Variants in CPT1B observed in about 807,000 individuals in gnomAD.
CPT1B encodes carnitine O-palmitoyltransferase 1, muscle isoform.
A neutral mutation model predicts 92.7 loss-of-function variants in CPT1B; 57 were observed. That is an observed-to-expected ratio of 0.62 (90% CI 0.50 to 0.77). The LOEUF (loss-of-function observed/expected upper bound fraction) is 0.77, where lower values mean the gene tolerates loss of function less well. CPT1B is among the 30% of genes least tolerant of loss of function. The pLI is 0.00. For missense variants in CPT1B, 983 were observed against 1,017.4 expected, an observed-to-expected ratio of 0.97 and a Z score of 0.46; for synonymous variants, 398 against 383.5, an observed-to-expected ratio of 1.04 and a Z score of -0.44.
intron 3 of CPT1B, 35 bp from the exon 4 acceptor site, chr22:50,577,069 CTT>C (rs748995151): frequency 8.3e-5 from 133 of 1,608,232 alleles, no homozygotes; most frequent in Non-Finnish European, 1.1e-4. Context: ...AGGGGGTCCT[CTT>C]GAGGCCAGCC....
chr22:50,572,705 G>C (rs1569042484), intron 11 of CPT1B, among the ~76,000 whole-genome samples, 170 bp downstream of exon 11: 1 of 152,196 alleles, frequency 6.6e-6, no homozygotes, highest in Non-Finnish European at 1.5e-5. Context: ...GGCTGGTCTT[G>C]AGCTCCTGCA....
chr22:50,574,638 T>C, intron 7 of CPT1B, 38 bp from the exon 8 acceptor site: 1 of 1,564,750 alleles, frequency 6.4e-7, no homozygotes, highest in Non-Finnish European at 8.8e-7. Context: ...GGGGCCTCTG[T>C]CTGGGTGTCA....
rs1200939678 is a variant in CPT1B at position 50,574,366 on chromosome 22, G to A, written c.939C>T (p.Phe313=). The A allele has an allele frequency of 4.3e-6, 7 of 1,613,814 alleles. No homozygotes were observed. In the African/African-American group the frequency reaches 5.3e-5, roughly 12 times the overall value. The change falls in exon 9 of 20, where the codon TTC becomes TTT. Residue 313 remains phenylalanine (F), a synonymous_variant. Transcript: ENST00000312108. The part of the protein sequence containing the change: ...PMCSYQMERM[F]NTTRIPGKDT... ...CCTTGCCCGGGATCCGAGTGGTGTTGAACATCCTCTCCATCTGGTAGGAGC... is the reference window on the plus strand; with the variant it reads ...CCTTGCCCGGGATCCGAGTGGTGTTAAACATCCTCTCCATCTGGTAGGAGC...
At chr22:50,571,341 C>T (rs767875760) in intron 14 of CPT1B, 34 bp downstream of exon 14, 1 of 1,613,716 alleles carries the variant, frequency 6.2e-7, no homozygotes, top group Admixed American at 1.7e-5. Flanking sequence ...TGGTACCACC[C>T]TGCCCTCTCA....
At chr22:50,571,974 T>A in intron 13 of CPT1B, 32 bp downstream of exon 13, 2 of 1,593,470 alleles carry the variant, frequency 1.3e-6, no homozygotes, top group Non-Finnish European at 1.7e-6. Flanking sequence ...TGCTTTGTGG[T>A]CTCACACCTG....
intron 13 of CPT1B, 25 bp from the exon 14 acceptor site, chr22:50,571,564 C>A: frequency 6.2e-6 from 10 of 1,606,412 alleles, no homozygotes; most frequent in Non-Finnish European, 8.5e-6. Context: ...GAAGGGTCAG[C>A]TGAGGGTAGG....
rs1376002304 is a variant in CPT1B at position 50,572,415 on chromosome 22, T to C, written c.1353-107A>G. The C allele has an allele frequency of 1.0e-5, 7 of 680,718 alleles. No individual in the cohort carries two copies. In the East Asian group the frequency reaches 1.9e-4, roughly 18 times the overall value. The allele number at this position is 680,718 out of a possible 1,614,324, so 42.2% of individuals were successfully genotyped here. ...AATTACTAACCCTATTCTCTCTCTC[T>C]TTTTCTCTCACTTTTTTTTTAAATT... is the stretch of plus-strand genomic sequence containing the variant. On this transcript the variant is annotated intron_variant, in intron 11 of 19. Coordinates refer to ENST00000312108, the MANE Select transcript of CPT1B (RefSeq NM_152246.3).
chr22:50,577,315 A>G lies in CPT1B; in HGVS notation c.281+9T>C. 1 of 1,612,792 alleles carries G rather than the reference A, an allele frequency of 6.2e-7. No homozygotes were observed. Among genetic ancestry groups the G allele is most frequent in the African/African-American group, 1.3e-5 (1 of 74,836 alleles). On this transcript the variant is annotated intron_variant, in intron 3 of 19. Transcript: ENST00000312108. The stretch of plus-strand genomic sequence containing the variant: ...GTGGCACCTGTGCCCTTCCAGTTTC[A>G]CTCCTTACCCCTGAGGGAGGCATCT...
rs148070553 is a variant in CPT1B at position 50,576,052 on chromosome 22, T to C, written c.760A>G (p.Ser254Gly). Residue 254 changes from serine to glycine, a missense_variant, in exon 7 of 20, where the codon AGC becomes GGC. By Grantham distance (56) the Ser-to-Gly change is moderately conservative. Transcript: ENST00000312108. ...LRGRSPLMVN[S>G]NYYVMDLVLI... is the part of the protein sequence containing the mutation. ...GTTCATACCATGACATAATAGTTGC[T>C]GTTCACCATGAGAGGGCTCCTGCCT... is the stretch of plus-strand genomic sequence containing the variant. 327 of 1,613,982 alleles carry C rather than the reference T, an allele frequency of 2.0e-4. No individual in the cohort carries two copies. The highest frequency in any genetic ancestry group is 2.7e-4 in the Non-Finnish European group (313 of 1,180,012).
intron 7 of CPT1B, 23 bp downstream of exon 7, chr22:50,576,012 G>A (rs937219007): frequency 1.2e-6 from 2 of 1,610,542 alleles, no homozygotes; most frequent in African/African-American, 2.7e-5. Flanking sequence ...CACGTGCGGG[G>A]ACCTGGGGGC....
intron 16 of CPT1B, 27 bp from the exon 17 acceptor site, chr22:50,570,433 A>T: frequency 6.6e-7 from 1 of 1,526,534 alleles, no homozygotes; most frequent in Non-Finnish European, 8.9e-7. Context: ...AGCTGGTCAG[A>T]GGCCACATAC....
At position 50,573,524 on chromosome 22, in the gene CPT1B, C is replaced by T. The variant is rs758334496; in HGVS notation, c.1162G>A (p.Gly388Arg). 1.9e-6 allele frequency: 3 copies of T among 1,609,298 alleles called. No homozygotes were observed. Among genetic ancestry groups the T allele is most frequent in the Non-Finnish European group, 2.5e-6 (3 of 1,177,540 alleles). ...TCCCTTCCTAGAGGCCAATACCTTC[C>T]TCCTGCAGTGAGGGCTGCCAGCTTC... ...EEKLAALTAGGRVEWAQARQA... is the reference protein window; with the variant it reads ...EEKLAALTAGRRVEWAQARQA... Residue 388 changes from glycine to arginine, a missense_variant, in exon 10 of 20, where the codon GGA becomes AGA. Gly to Arg is a moderately radical substitution (Grantham distance 125). Transcript: ENST00000312108. The surrounding 1 kb of genome is among the most constrained non-coding windows in gnomAD (Gnocchi z 5.0).
In CPT1B at chr22:50,577,737, G is replaced by A. The variant is rs772270867; in HGVS notation, c.141+38C>T. ...CAAAGCGCTTAACAGCTGACAGCCG[G>A]CCTCTGCCTACGCTCTGGGAGAAGC... On this transcript the variant is annotated intron_variant, in intron 2 of 19. Coordinates refer to ENST00000312108, the MANE Select transcript of CPT1B (RefSeq NM_152246.3). The A allele has an allele frequency of 3.1e-5, 49 of 1,603,090 alleles. No individual in the cohort carries two copies. In the South Asian group the frequency reaches 4.8e-4, roughly 16 times the overall value.
Position 50,574,325 on chromosome 22 carries a change from GCTCAGTTACCTGTGTC to G in CPT1B, c.964_970+9del. On this transcript the variant is annotated splice_donor_variant and splice_donor_5th_base_variant and coding_sequence_variant and intron_variant, in exon 9 of 20. Coordinates refer to ENST00000312108, the MANE Select transcript of CPT1B (RefSeq NM_152246.3). LOFTEE classifies it high-confidence loss of function. ...ATGGCCCACAGGTAGCAGCGAGGGG[GCTCAGTTACCTGTGTC>G]CTTGCCCGGGATCCGAGTGGTGTTG... The G allele has an allele frequency of 6.2e-7, 1 of 1,606,940 alleles. No homozygotes were observed. The highest frequency in any genetic ancestry group is 1.1e-5 in the South Asian group (1 of 90,166).
At position 50,573,216 on chromosome 22, in the gene CPT1B, G is replaced by C. The variant is rs1359975120; in HGVS notation, c.1167-156C>G. 3 of 672,932 alleles carry C rather than the reference G, an allele frequency of 4.5e-6. No homozygotes were observed. Among genetic ancestry groups the C allele is most frequent in the Non-Finnish European group, 7.4e-6 (3 of 405,928 alleles). 41.7% of individuals were successfully genotyped at this position (672,932 alleles called of 1,614,324 possible). ...CCTGGAGATGTGGGGGTGCCAGGCT[G>C]GGCCTGGAGGTGTTGGGGTGCGTGC... On this transcript the variant is annotated intron_variant, in intron 10 of 19. Coordinates refer to ENST00000312108, the MANE Select transcript of CPT1B (RefSeq NM_152246.3). The surrounding 1 kb of genome is among the most constrained non-coding windows in gnomAD (Gnocchi z 5.0).
chr22:50,569,563 G>A lies in CPT1B; in HGVS notation c.2235+13C>T. ...ACCCCTTCCTCAGGCCTGAGCTGTG[G>A]CAGGAGACTCACCGTCTCTGAGCTT... On this transcript the variant is annotated intron_variant, in intron 18 of 19. Transcript: ENST00000312108. 3 of 1,612,726 alleles carry A rather than the reference G, an allele frequency of 1.9e-6. No individual in the cohort carries two copies. Among genetic ancestry groups the A allele is most frequent in the South Asian group, 1.1e-5 (1 of 91,060 alleles).
At position 50,571,517 on chromosome 22, in the gene CPT1B, G is replaced by GA. The variant is rs1156359665; in HGVS notation, c.1597dup (p.Ser533PhefsTer35). On this transcript the variant is annotated frameshift_variant, in exon 14 of 20. Transcript: ENST00000312108. LOFTEE classifies it high-confidence loss of function. Reference sequence around the variant, plus strand: ...TGCCAACGCCTTGGCCACCTGGTAGGAACTCTCGATGACCGCCTGGCACTG... The same window carrying GA: ...TGCCAACGCCTTGGCCACCTGGTAGGAAACTCTCGATGACCGCCTGGCACTG... The GA allele has an allele frequency of 4.3e-6, 7 of 1,613,016 alleles. No homozygotes were observed. The highest frequency in any genetic ancestry group is 5.9e-6 in the Non-Finnish European group (7 of 1,180,024).
rs747363545 is a variant in CPT1B, at chr22:50,573,734, G to T, written c.971-19C>A. On this transcript the variant is annotated intron_variant, in intron 9 of 19. Coordinates refer to ENST00000312108, the MANE Select transcript of CPT1B (RefSeq NM_152246.3). This position sits in a 1 kb window ranked among gnomAD's most constrained non-coding sequence, Gnocchi z 5.0. Reference sequence around the variant, plus strand: ...AGCACATCTGTGATACAGGCCACGGGCAAGCTGAGGCGGGGCCCCCAGCTA... The same window carrying T: ...AGCACATCTGTGATACAGGCCACGGTCAAGCTGAGGCGGGGCCCCCAGCTA... The T allele has an allele frequency of 1.9e-6, 3 of 1,604,604 alleles. No homozygotes were observed. In the South Asian group the frequency reaches 3.3e-5, roughly 18 times the overall value.
rs1199518964 is a variant in CPT1B at position 50,573,975 on chromosome 22, G to A, written c.971-260C>T. 9 of 701,398 alleles carry A rather than the reference G, an allele frequency of 1.3e-5. No homozygotes were observed. The highest frequency in any genetic ancestry group is 3.5e-5 in the African/African-American group (2 of 57,014). The allele number at this position is 701,398 out of a possible 1,614,324, so 43.4% of individuals were successfully genotyped here. ...GACGCACTAGAGGGTTGTGCAAACC[G>A]CCTAAGGATACAGTGTCAGAAGCAG... On this transcript the variant is annotated intron_variant, in intron 9 of 19. Coordinates refer to ENST00000312108, the MANE Select transcript of CPT1B (RefSeq NM_152246.3). This position sits in a 1 kb window ranked among gnomAD's most constrained non-coding sequence, Gnocchi z 5.0.
Sources: allele counts gnomAD v4.1 joint callset (sites outside exome capture counted in the v4.1 genomes callset), GRCh38; gene constraint gnomAD v4.1.1; non-coding constraint Gnocchi (gnomAD v3.1); transcripts MANE v1.5; gene names NCBI Gene and HGNC (gene_info 2026-07-23, HGNC 2026-07-21).